GAK: variants seen among roughly 807,000 people sequenced by gnomAD.
GAK encodes cyclin-G-associated kinase.
A neutral mutation model predicts 143.9 loss-of-function variants in GAK; 79 were observed. The observed-to-expected ratio is 0.55, with a 90% CI of 0.46 to 0.66. GAK has a LOEUF of 0.66. Among genes scored for constraint, GAK ranks in the 30% least tolerant of loss-of-function variants. The pLI, the probability that GAK is intolerant of heterozygous loss-of-function variation, is 0.00. For synonymous variants in GAK, 881 were observed against 765.5 expected, an observed-to-expected ratio of 1.15 and a Z score of -2.49; for missense variants, 1,693 against 1,779.7, an observed-to-expected ratio of 0.95 and a Z score of 0.88.
chr4:879,284 G>C (rs1236318121), intron 15 of GAK, among the ~76,000 whole-genome samples: 2 of 152,202 alleles, frequency 1.3e-5, no homozygotes, highest in Non-Finnish European at 2.9e-5. Flanking sequence ...GTGCGTTTCT[G>C]TCCCATATGG....
rs1747673664 is a variant in GAK, at chr4:849,514, C to G, written c.*159G>C. On this transcript the variant is annotated 3_prime_UTR_variant, in exon 28 of 28. Transcript: ENST00000314167. ...AATCAGAGGCTTTGGAATGCTTTCT[C>G]TTCATGTGCCTGGAACGCTGGGCGG... 1 of 607,450 alleles carries G rather than the reference C, an allele frequency of 1.6e-6. No homozygotes were observed. Among genetic ancestry groups the G allele is most frequent in the African/African-American group, 1.9e-5 (1 of 53,826 alleles). The allele number at this position is 607,450 out of a possible 1,614,324, so 37.6% of individuals were successfully genotyped here. A position where few individuals can be genotyped will look rare whatever the true frequency, so the allele number is the denominator to read the frequency against.
At chr4:901,466 C>A (rs1719862286) in intron 5 of GAK, among the ~76,000 whole-genome samples, 1 of 152,256 alleles carries the variant, frequency 6.6e-6, no homozygotes, top group African/African-American at 2.4e-5. Flanking sequence ...CTCCTAGGCA[C>A]CCACGAGCAG....
intron 22 of GAK, 93 bp from the exon 23 acceptor site, chr4:865,337 C>T (rs1000171964): frequency 1.7e-5 from 26 of 1,523,796 alleles, no homozygotes; most frequent in South Asian, 6.8e-5. Context: ...GCCCTAGGAG[C>T]GGACACCTCT....
intron 27 of GAK, 47 bp from the exon 28 acceptor site, chr4:849,821 C>CGGGGGGGGGGGGGGG: frequency 3.5e-6 from 5 of 1,435,318 alleles, no homozygotes; most frequent in Non-Finnish European, 4.7e-6. Context: ...CATGCGGGGG[C>CGGGGGGGGGGGGGGG]GGGCGGGGCA....
At chr4:893,616 G>T in intron 8 of GAK, 127 bp from the exon 9 acceptor site, 1 of 732,518 alleles carries the variant, frequency 1.4e-6, no homozygotes, top group South Asian at 2.1e-5. Flanking sequence ...TCAGAAGCAA[G>T]AAGGGAGCGG....
chr4:913,528 G>A (rs1475557850), intron 2 of GAK, 79 bp downstream of exon 2: 13 of 1,064,314 alleles, frequency 1.2e-5, no homozygotes, highest in East Asian at 1.2e-4. Flanking sequence ...TAACAGGGAC[G>A]CATCCCTGAA....
At chr4:918,889 GCGCCCCA>G (rs1560437607) in intron 1 of GAK, among the ~76,000 whole-genome samples, 2 of 135,140 alleles carry the variant, frequency 1.5e-5, no homozygotes, top group Admixed American at 7.3e-5. Context: ...AAAGGCCTCA[GCGCCCCA>G]TGACCTTAGA....
intron 26 of GAK, 82 bp downstream of exon 26, chr4:850,854 G>C (rs986442413): frequency 8.8e-6 from 13 of 1,472,578 alleles, no homozygotes; most frequent in Non-Finnish European, 1.0e-5. Flanking sequence ...TGGAGACGCC[G>C]GCTCCATAAG....
chr4:865,269 GCA>G lies in GAK; in HGVS notation c.3044-27_3044-26del, dbSNP rs556247809. ...CCTGGGAAGAAGGAACCAGAAGAGAGCACAGTTTGGTGTCTCAGCAGCAGGCA... is the reference window on the plus strand; with the variant it reads ...CCTGGGAAGAAGGAACCAGAAGAGAGCAGTTTGGTGTCTCAGCAGCAGGCA... On this transcript the variant is annotated intron_variant, in intron 22 of 27. Transcript: ENST00000314167. The G allele has an allele frequency of 1.3e-3, 2,137 of 1,612,390 alleles. 21 individuals are homozygous for G. The African/African-American group carries it at 0.024, about 18-fold the overall frequency.
chr4:865,211 G>A lies in GAK; in HGVS notation c.3077C>T (p.Ala1026Val), dbSNP rs1204615260. The A allele has an allele frequency of 2.5e-6, 4 of 1,613,378 alleles. No individual in the cohort carries two copies. Among genetic ancestry groups the A allele is most frequent in the Non-Finnish European group, 2.5e-6 (3 of 1,179,868 alleles). The change falls in exon 23 of 28, where the codon GCC (alanine) becomes GTC (valine). Residue 1026 changes from alanine (A) to valine (V), a missense_variant. Ala to Val is a moderately conservative substitution (Grantham distance 64). Transcript: ENST00000314167. ...CAGCAGGTCTGGGTTGCTGGACGAG[G>A]CTGTCATCTTGCTGGGCTCTCCTGG... The part of the protein sequence containing the change: ...DLPGEPSKMT[A>V]SSSNPDLLGG...
intron 5 of GAK, among the ~76,000 whole-genome samples, chr4:899,787 C>T (rs954211733): frequency 2.6e-5 from 4 of 152,224 alleles, no homozygotes; most frequent in Admixed American, 6.5e-5. Context: ...GCCTGCTCCG[C>T]GGACCAGCAA....
At chr4:928,798 T>C (rs1156389677) in intron 1 of GAK, among the ~76,000 whole-genome samples, 1 of 152,074 alleles carries the variant, frequency 6.6e-6, no homozygotes. Context: ...AGATTTACTC[T>C]TGTTGCCCAG....
intron 4 of GAK, among the ~76,000 whole-genome samples, chr4:910,693 C>G (rs1721892529): frequency 6.6e-6 from 1 of 152,256 alleles, no homozygotes; most frequent in Non-Finnish European, 1.5e-5. Flanking sequence ...TTCTGTGGGA[C>G]TCCCTGCCTC....
At chr4:892,416 C>T (rs1367457049) in intron 9 of GAK, among the ~76,000 whole-genome samples, 2 of 152,188 alleles carry the variant, frequency 1.3e-5, no homozygotes, top group Non-Finnish European at 2.9e-5. Context: ...AGGGCCGGGC[C>T]GCGTGTCTGC....
At chr4:906,319 G>A (rs2152920672) in intron 4 of GAK, among the ~76,000 whole-genome samples, 1 of 152,316 alleles carries the variant, frequency 6.6e-6, no homozygotes, top group South Asian at 2.1e-4. Context: ...GTCCTCAGAT[G>A]ACAAATGATC....
Position 863,976 on chromosome 4 carries a change from T to C in GAK, c.3166+1146A>G, listed in dbSNP as rs115665634. ...ACGTGGAGGATGCAGTGAGCCGAGA[T>C]TGCACCACTGCGCTCCACAGCCTGT... On this transcript the variant is annotated intron_variant, in intron 23 of 27. Coordinates refer to ENST00000314167, the MANE Select transcript of GAK (RefSeq NM_005255.4). Among the ~76,000 whole-genome samples, 1,060 of 152,206 alleles carry C rather than the reference T, an allele frequency of 7.0e-3. 9 individuals are homozygous for C. The highest frequency in any genetic ancestry group is 0.024 in the African/African-American group (989 of 41,538).
At chr4:916,366 C>T (rs1229881457) in intron 1 of GAK, among the ~76,000 whole-genome samples, 6 of 152,180 alleles carry the variant, frequency 3.9e-5, no homozygotes. Context: ...GTGATCCTCC[C>T]ACCTCAGCTT....
intron 1 of GAK, among the ~76,000 whole-genome samples, chr4:914,350 A>G (rs1158024587): frequency 1.2e-5 from 1 of 85,200 alleles, no homozygotes; most frequent in South Asian, 4.9e-4. Flanking sequence ...ACACAAACAC[A>G]GCCCCAGCGT....
At chr4:849,833 G>GGGGCCCCCCCCCCCCCC in intron 27 of GAK, 59 bp from the exon 28 acceptor site, 4 of 1,190,146 alleles carry the variant, frequency 3.4e-6, no homozygotes, top group Non-Finnish European at 4.6e-6. Flanking sequence ...GGCGGGGCAG[G>GGGGCCCCCCCCCCCCCC]ACCCCCCCCC....
Sources: allele counts gnomAD v4.1 joint callset (sites outside exome capture counted in the v4.1 genomes callset), GRCh38; gene constraint gnomAD v4.1.1; transcripts MANE v1.5; gene names NCBI Gene and HGNC (gene_info 2026-07-23, HGNC 2026-07-21).